Variants in ADCY8 observed in about 807,000 individuals in gnomAD.
ADCY8 encodes the protein adenylate cyclase 8, also known as adenylate cyclase type 8.
Under a neutral mutation model 119.7 loss-of-function variants are expected in ADCY8, and 51 were observed. That is an observed-to-expected ratio of 0.43 (90% confidence interval 0.34 to 0.54). The LOEUF is 0.54. Ranked by LOEUF, ADCY8 falls within the 20% of genes least tolerant of loss-of-function variation. The pLI is 0.03. For missense variants in ADCY8, 1,383 were observed against 1,598.8 expected (o/e 0.87, Z 2.30); for synonymous variants, 665 against 651.0 (o/e 1.02, Z -0.33).
At chr8:130,978,111 T>C (rs562983330) in intron 2 of ADCY8, among the ~76,000 whole-genome samples, 69 of 152,250 alleles carry the variant, frequency 4.5e-4, no homozygotes, top group African/African-American at 1.6e-3. Context: ...AAAATGACTA[T>C]AATGAAATAT....
chr8:131,026,129 CA>C (rs555619495), intron 1 of ADCY8, among the ~76,000 whole-genome samples: 82 of 152,258 alleles, frequency 5.4e-4, no homozygotes, highest in African/African-American at 1.9e-3. Flanking sequence ...CCAAAATACA[CA>C]TGTTAAAATG....
chr8:130,970,501 T>C (rs756232514), intron 2 of ADCY8, among the ~76,000 whole-genome samples: 28 of 152,228 alleles, frequency 1.8e-4, no homozygotes, highest in Middle Eastern at 3.2e-3. Context: ...TTATGGTGAC[T>C]CATATAATTA....
intron 2 of ADCY8, among the ~76,000 whole-genome samples, chr8:130,962,463 C>T (rs1344417676): frequency 6.6e-6 from 1 of 152,140 alleles, no homozygotes; most frequent in African/African-American, 2.4e-5. Flanking sequence ...TGAGTTTTTC[C>T]ATTTGCATGA....
chr8:130,987,863 T>C (rs7813114), intron 2 of ADCY8, among the ~76,000 whole-genome samples: 3,250 of 152,262 alleles, frequency 0.021, 138 homozygotes, highest in African/African-American at 0.072. Context: ...CCCTAAGTTA[T>C]TACAACTGAG....
chr8:130,827,853 C>A (rs1226027838), intron 12 of ADCY8, among the ~76,000 whole-genome samples: 1 of 152,170 alleles, frequency 6.6e-6, no homozygotes, highest in Non-Finnish European at 1.5e-5. Context: ...TAAATAAAAT[C>A]AAATCAATAA....
intron 11 of ADCY8, among the ~76,000 whole-genome samples, chr8:130,838,063 G>A (rs1286030646): frequency 6.6e-6 from 1 of 152,174 alleles, no homozygotes; most frequent in African/African-American, 2.4e-5. Flanking sequence ...TATGGGCAGG[G>A]GTGTTGGGTA....
chr8:130,994,109 A>G (rs1822689983), intron 1 of ADCY8, among the ~76,000 whole-genome samples: 1 of 152,246 alleles, frequency 6.6e-6, no homozygotes, highest in South Asian at 2.1e-4. Context: ...TTGTTCAGCC[A>G]GAATTGTGTA....
At chr8:130,897,584 G>A (rs1233584263) in intron 7 of ADCY8, among the ~76,000 whole-genome samples, 2 of 124,394 alleles carry the variant, frequency 1.6e-5, no homozygotes, top group African/African-American at 6.1e-5. Flanking sequence ...AAATTTAGCT[G>A]GAGCAGAATC....
At chr8:131,004,721 C>T (rs762541448) in intron 1 of ADCY8, among the ~76,000 whole-genome samples, 2 of 152,178 alleles carry the variant, frequency 1.3e-5, no homozygotes, top group Non-Finnish European at 2.9e-5. Context: ...AAACACATAT[C>T]CTGCCCTCTT....
chr8:130,997,821 G>C (rs1822826414), intron 1 of ADCY8, among the ~76,000 whole-genome samples: 1 of 152,114 alleles, frequency 6.6e-6, no homozygotes, highest in African/African-American at 2.4e-5. Flanking sequence ...TCTCAGATTG[G>C]TTGTGCTTTG....
rs115054202 is a variant in ADCY8, at chr8:130,981,488, C to T, written c.1110+8905G>A. On this transcript the variant is annotated intron_variant, in intron 2 of 17. Transcript: ENST00000286355. ...TTAGGCTATATTAGGTTTCCAATTT[C>T]AATTTCTTTAGTCAAAATTATCTGC... is the stretch of plus-strand genomic sequence containing the variant. Among the ~76,000 whole-genome samples the T allele has an allele frequency of 4.1e-3, 623 of 152,312 alleles. 7 individuals carry two copies. The highest frequency in any genetic ancestry group is 0.014 in the African/African-American group (582 of 41,566).
intron 12 of ADCY8, among the ~76,000 whole-genome samples, chr8:130,823,967 T>G (rs1586451305): frequency 6.6e-6 from 1 of 152,322 alleles, no homozygotes; most frequent in South Asian, 2.1e-4. Flanking sequence ...TTATTCTAGT[T>G]CATATTATGT....
At chr8:130,871,829 AC>A (rs376114348) in intron 8 of ADCY8, among the ~76,000 whole-genome samples, 4 of 152,058 alleles carry the variant, frequency 2.6e-5, no homozygotes, top group African/African-American at 9.7e-5. Context: ...AAGATTACCC[AC>A]CACCGGGTAG....
At chr8:131,039,261 G>T (rs1824268919) in intron 1 of ADCY8, 113 bp downstream of exon 1, 2 of 1,445,356 alleles carry the variant, frequency 1.4e-6, no homozygotes, top group South Asian at 1.3e-5. Flanking sequence ...CACTGTGCCA[G>T]ACTGAAGGCG....
chr8:130,944,493 G>T (rs1039947928), intron 3 of ADCY8, among the ~76,000 whole-genome samples: 7 of 152,188 alleles, frequency 4.6e-5, no homozygotes, highest in African/African-American at 1.7e-4. Flanking sequence ...CAGCCTATGA[G>T]TGTAATTTAG....
chr8:130,947,165 C>CT (rs1563740214), intron 3 of ADCY8, among the ~76,000 whole-genome samples: 2 of 152,072 alleles, frequency 1.3e-5, no homozygotes, highest in East Asian at 3.9e-4. Context: ...GTCATGTTAC[C>CT]TAATAGTCAC....
intron 15 of ADCY8, among the ~76,000 whole-genome samples, chr8:130,788,320 A>G (rs991361510): frequency 1.3e-5 from 2 of 152,258 alleles, no homozygotes; most frequent in Non-Finnish European, 2.9e-5. Flanking sequence ...TAAAAGAAGG[A>G]AATCCTGTCA....
chr8:130,950,333 T>C (rs1009420362), intron 3 of ADCY8, among the ~76,000 whole-genome samples: 3 of 152,284 alleles, frequency 2.0e-5, no homozygotes, highest in East Asian at 1.9e-4. Context: ...AGGCTTTAAC[T>C]TGAGATGCAA....
chr8:130,945,826 T>A (rs530373697), intron 3 of ADCY8, among the ~76,000 whole-genome samples: 1 of 152,230 alleles, frequency 6.6e-6, no homozygotes, highest in Non-Finnish European at 1.5e-5. Flanking sequence ...GTGGACTTGG[T>A]AATGCTCTGA....
Sources: gnomAD v4.1 joint callset for allele counts (sites outside exome capture counted in the v4.1 genomes callset) on GRCh38, gnomAD v4.1.1 for gene constraint, MANE v1.5 for transcripts, NCBI Gene and HGNC (gene_info 2026-07-23, HGNC 2026-07-21) for gene names.